The following VRK1 variants were observed in gnomAD, a reference collection of about 807,000 sequenced individuals.
The protein encoded by VRK1 is serine/threonine-protein kinase VRK1.
VRK1 carries 33 observed loss-of-function variants against 57.1 expected under a neutral mutation model. The ratio of observed to expected loss-of-function variants is 0.58; its 90% confidence interval spans 0.44 to 0.77. The LOEUF is 0.77. Among genes scored for constraint, VRK1 ranks in the 30% least tolerant of loss-of-function variants. The pLI is 0.00. For synonymous variants in VRK1, 137 were observed against 147.8 expected (o/e 0.93, Z 0.53); for missense variants, 413 against 477.3 (o/e 0.87, Z 1.25).
At chr14:96,871,829 A>AT (rs907430099) in intron 11 of VRK1, among the ~76,000 whole-genome samples, 5 of 151,228 alleles carry the variant, frequency 3.3e-5, no homozygotes, top group East Asian at 1.9e-4. Flanking sequence ...TTTTATTTTT[A>AT]TTTTTTTTTG....
At chr14:96,833,331 A>G (rs1356360981) in intron 1 of VRK1, 136 bp from the exon 2 acceptor site, 24 of 921,834 alleles carry the variant, frequency 2.6e-5, no homozygotes, top group Admixed American at 2.0e-4. Context: ...ATAAGTCAGA[A>G]TTAACAGGTA....
chr14:96,872,602 A>T (rs1888867175), intron 11 of VRK1, among the ~76,000 whole-genome samples: 2 of 152,242 alleles, frequency 1.3e-5, no homozygotes, highest in African/African-American at 4.8e-5. Flanking sequence ...AGTGCTGTGG[A>T]AAGGAAATTG....
intron 11 of VRK1, among the ~76,000 whole-genome samples, chr14:96,867,815 G>C (rs1226306994): frequency 1.3e-5 from 2 of 151,954 alleles, no homozygotes. Context: ...TATTTTAAGG[G>C]TACTAGTTCT....
intron 1 of VRK1, among the ~76,000 whole-genome samples, chr14:96,803,897 A>G (rs1885767013): frequency 6.6e-6 from 1 of 152,120 alleles, no homozygotes; most frequent in South Asian, 2.1e-4. Context: ...CTGATTTTAG[A>G]GCATTCTTTA....
intron 11 of VRK1, among the ~76,000 whole-genome samples, chr14:96,873,015 T>C: frequency 6.6e-6 from 1 of 152,194 alleles, no homozygotes; most frequent in East Asian, 1.9e-4. Context: ...TTCTAGGCTG[T>C]ATATTTTAAG....
intron 7 of VRK1, 31 bp from the exon 8 acceptor site, chr14:96,855,193 T>G (rs1231102028): frequency 6.2e-7 from 1 of 1,613,754 alleles, no homozygotes; most frequent in Non-Finnish European, 8.5e-7. Context: ...GATTTTGACT[T>G]TAGTTTGTCT....
chr14:96,837,229 A>C (rs896773104), intron 2 of VRK1, among the ~76,000 whole-genome samples: 1 of 152,214 alleles, frequency 6.6e-6, no homozygotes, highest in South Asian at 2.1e-4. Flanking sequence ...TATTTACATG[A>C]AATAAAATGA....
At position 96,876,796 on chromosome 14, in the gene VRK1, A is replaced by C. The variant is rs952052431; in HGVS notation, c.1159+676A>C. On this transcript the variant is annotated intron_variant, in intron 12 of 12. Transcript: ENST00000216639. ...TGAAGCAAAAAAAAAAAAAAACACA[A>C]AAAAACAAAAAAAACAAGGTATGAA... Among the ~76,000 whole-genome samples, 3 of 151,822 alleles carry C rather than the reference A, an allele frequency of 2.0e-5. No homozygotes were observed. In the East Asian group the frequency reaches 5.8e-4, roughly 29 times the overall value.
At chr14:96,828,315 A>G (rs1369830212) in intron 1 of VRK1, among the ~76,000 whole-genome samples, 1 of 152,218 alleles carries the variant, frequency 6.6e-6, no homozygotes, top group African/African-American at 2.4e-5. Context: ...TCGAAACAGT[A>G]TACAGTGTAG....
intron 11 of VRK1, among the ~76,000 whole-genome samples, chr14:96,867,269 G>T (rs1035376657): frequency 1.3e-5 from 2 of 152,122 alleles, no homozygotes; most frequent in Non-Finnish European, 2.9e-5. Flanking sequence ...GTCCAAAAAT[G>T]TCTGTTTTTT....
At position 96,858,063 on chromosome 14, in the gene VRK1, G is replaced by A. The variant is rs191831192; in HGVS notation, c.889+1477G>A. Among the ~76,000 whole-genome samples the A allele has an allele frequency of 4.4e-3, 662 of 151,080 alleles. 1 individual carries two copies. Among genetic ancestry groups the A allele is most frequent in the Non-Finnish European group, 6.8e-3 (462 of 67,612 alleles). ...TCCCCATTATCGCATGTTTTTTTTT[G>A]TTATTGTTGTTGTTTTGTTTTTTTG... is the stretch of plus-strand genomic sequence containing the variant. On this transcript the variant is annotated intron_variant, in intron 10 of 12. Transcript: ENST00000216639.
At chr14:96,837,669 A>T (rs1380807674) in intron 2 of VRK1, 93 bp from the exon 3 acceptor site, 2 of 697,812 alleles carry the variant, frequency 2.9e-6, no homozygotes, top group Non-Finnish European at 4.3e-6. Context: ...ACTGAAGTGT[A>T]TTCTATCAAG....
At chr14:96,817,919 G>T (rs899736465) in intron 1 of VRK1, among the ~76,000 whole-genome samples, 2 of 152,168 alleles carry the variant, frequency 1.3e-5, no homozygotes, top group African/African-American at 4.8e-5. Flanking sequence ...TTTTGAAGTT[G>T]ACATCTTTTG....
At chr14:96,799,555 C>T (rs143936541) in intron 1 of VRK1, among the ~76,000 whole-genome samples, 38 of 151,986 alleles carry the variant, frequency 2.5e-4, no homozygotes, top group Non-Finnish European at 3.1e-4. Flanking sequence ...GGAAATGAAG[C>T]GAAGCTTTAA....
At chr14:96,798,725 C>T (rs2139671668) in intron 1 of VRK1, among the ~76,000 whole-genome samples, 1 of 152,208 alleles carries the variant, frequency 6.6e-6, no homozygotes, top group East Asian at 1.9e-4. Context: ...AGAATTTAAT[C>T]TAGAATTTTG....
chr14:96,803,713 A>G (rs916371821), intron 1 of VRK1, among the ~76,000 whole-genome samples: 1 of 152,110 alleles, frequency 6.6e-6, no homozygotes, highest in African/African-American at 2.4e-5. Flanking sequence ...TTTCTCCACA[A>G]CCTCACTACC....
At chr14:96,852,222 C>A (rs1887978315) in intron 5 of VRK1, among the ~76,000 whole-genome samples, 1 of 152,142 alleles carries the variant, frequency 6.6e-6, no homozygotes, top group African/African-American at 2.4e-5. Context: ...TGTGACTCAG[C>A]CAAGGTGACA....
At chr14:96,797,604 A>T (rs548466261) in intron 1 of VRK1, among the ~76,000 whole-genome samples, 157 bp downstream of exon 1, 1 of 151,950 alleles carries the variant, frequency 6.6e-6, no homozygotes, top group South Asian at 2.1e-4. Context: ...GCCCCGCGGG[A>T]CCGCGCTCCG....
intron 11 of VRK1, among the ~76,000 whole-genome samples, chr14:96,861,836 G>C (rs1025594205): frequency 6.6e-6 from 1 of 152,160 alleles, no homozygotes; most frequent in Non-Finnish European, 1.5e-5. Context: ...AACTGTATCT[G>C]TTTGAAATGA....
Sources: allele counts gnomAD v4.1 joint callset (sites outside exome capture counted in the v4.1 genomes callset), GRCh38; gene constraint gnomAD v4.1.1; transcripts MANE v1.5; gene names NCBI Gene and HGNC (gene_info 2026-07-23, HGNC 2026-07-21).